Variants in RIMS1 observed in about 807,000 individuals in gnomAD.
The protein encoded by RIMS1 is regulating synaptic membrane exocytosis protein 1.
Under a neutral mutation model 214.1 loss-of-function variants are expected in RIMS1, and 83 were observed. That is an observed-to-expected ratio of 0.39 (90% confidence interval 0.32 to 0.47). The LOEUF (loss-of-function observed/expected upper bound fraction) is 0.47, where lower values mean the gene tolerates loss of function less well. Ranked by LOEUF, RIMS1 falls within the 20% of genes least tolerant of loss-of-function variation. The pLI, the probability that RIMS1 is intolerant of heterozygous loss-of-function variation, is 0.99. For synonymous variants in RIMS1, 793 were observed against 786.8 expected, an observed-to-expected ratio of 1.01 and a Z score of -0.13; for missense variants, 2,050 against 2,161.8, an observed-to-expected ratio of 0.95 and a Z score of 1.03.
At chr6:72,339,538 GT>G (rs1266772275) in intron 29 of RIMS1, among the ~76,000 whole-genome samples, 4 of 151,818 alleles carry the variant, frequency 2.6e-5, no homozygotes, top group South Asian at 2.1e-4. Flanking sequence ...GCAGTGTTTG[GT>G]TTTTTTGTCC....
intron 3 of RIMS1, among the ~76,000 whole-genome samples, chr6:72,098,251 T>C (rs527752951): frequency 2.0e-4 from 31 of 152,268 alleles, no homozygotes; most frequent in Admixed American, 1.2e-3. Flanking sequence ...CTAAACTTTA[T>C]TCCAGTGGAC....
At chr6:72,095,137 G>GT (rs2031033227) in intron 2 of RIMS1, among the ~76,000 whole-genome samples, 1 of 44,226 alleles carries the variant, frequency 2.3e-5, no homozygotes, top group African/African-American at 8.1e-5. Flanking sequence ...TTTTTTTTTT[G>GT]TATTTTTAGT....
chr6:72,275,933 A>C (rs1416538505), intron 23 of RIMS1, among the ~76,000 whole-genome samples: 1 of 152,216 alleles, frequency 6.6e-6, no homozygotes, highest in African/African-American at 2.4e-5. Flanking sequence ...TGTGCCAGGC[A>C]TGGTAGCTCA....
rs1009833671 is a variant in RIMS1, at chr6:72,057,207, C to T, written c.246-39742C>T. On this transcript the variant is annotated intron_variant, in intron 2 of 33. Transcript: ENST00000521978. Reference sequence around the variant, plus strand: ...CAAACTCACATATTCAGTTGTGGCTCTCCAAACTGGTGGATTTCGTTTGTT... The same window carrying T: ...CAAACTCACATATTCAGTTGTGGCTTTCCAAACTGGTGGATTTCGTTTGTT... Among the ~76,000 whole-genome samples, 6 of 152,316 alleles carry T rather than the reference C, an allele frequency of 3.9e-5. No individual in the cohort carries two copies. The South Asian group carries it at 6.2e-4, about 16-fold the overall frequency.
chr6:72,036,280 A>T (rs1193910852), intron 2 of RIMS1, among the ~76,000 whole-genome samples: 1 of 152,226 alleles, frequency 6.6e-6, no homozygotes, highest in Admixed American at 6.5e-5. Context: ...GTAGATAAGG[A>T]GAAGTGAAAT....
Position 71,981,579 on chromosome 6 carries a change from T to C in RIMS1, c.245+12516T>C, listed in dbSNP as rs1384510636. ...CATTAGAAAAAATTCATAGAAAAGA[T>C]GAAAGTTGACAGAGAATGTACAAAA... On this transcript the variant is annotated intron_variant, in intron 2 of 33. Transcript: ENST00000521978. Among the ~76,000 whole-genome samples the C allele has an allele frequency of 2.0e-5, 3 of 152,138 alleles. No homozygotes were observed. In the East Asian group the frequency reaches 5.8e-4, roughly 29 times the overall value.
chr6:72,309,023 T>C (rs2095380948), intron 27 of RIMS1, among the ~76,000 whole-genome samples: 1 of 152,170 alleles, frequency 6.6e-6, no homozygotes, highest in African/African-American at 2.4e-5. Flanking sequence ...AATGCTCCTT[T>C]TAAGCTGGAA....
chr6:72,124,466 C>T (rs899706562), intron 4 of RIMS1, among the ~76,000 whole-genome samples: 3 of 151,770 alleles, frequency 2.0e-5, no homozygotes, highest in African/African-American at 7.2e-5. Context: ...TGGGGTTGCT[C>T]TTCTCAAAGA....
intron 1 of RIMS1, among the ~76,000 whole-genome samples, chr6:71,959,784 C>T (rs548865814): frequency 6.6e-6 from 1 of 151,984 alleles, no homozygotes; most frequent in African/African-American, 2.4e-5. Flanking sequence ...TTTATTTGCT[C>T]AACACAAAAT....
At chr6:72,367,521 A>G (rs1225616897) in intron 29 of RIMS1, among the ~76,000 whole-genome samples, 1 of 152,198 alleles carries the variant, frequency 6.6e-6, no homozygotes, top group African/African-American at 2.4e-5. Flanking sequence ...AAATTTCAAA[A>G]ATAGATTTAT....
intron 19 of RIMS1, chr6:72,263,108 T>A: frequency 1.0e-6 from 1 of 983,512 alleles, no homozygotes; most frequent in Non-Finnish European, 1.2e-6. Context: ...TCCTATGAGA[T>A]GTTTCACCAA....
chr6:72,087,305 T>A (rs1834916251), intron 2 of RIMS1, among the ~76,000 whole-genome samples: 1 of 152,242 alleles, frequency 6.6e-6, no homozygotes. Flanking sequence ...CAGTATTTTT[T>A]ATAACTTTAA....
intron 4 of RIMS1, among the ~76,000 whole-genome samples, chr6:72,165,376 G>T (rs1172449589): frequency 1.3e-5 from 2 of 152,020 alleles, no homozygotes; most frequent in Non-Finnish European, 2.9e-5. Flanking sequence ...GTAACTTACT[G>T]AACTTGTCAA....
intron 1 of RIMS1, among the ~76,000 whole-genome samples, chr6:71,910,938 G>A (rs1776697990): frequency 6.6e-6 from 1 of 152,176 alleles, no homozygotes. Context: ...AGGAAGATTA[G>A]ATTGAAGGAA....
intron 6 of RIMS1, among the ~76,000 whole-genome samples, chr6:72,230,412 G>C (rs993097508): frequency 2.0e-5 from 3 of 151,524 alleles, no homozygotes; most frequent in African/African-American, 7.3e-5. Context: ...CATTCCACTT[G>C]GTCAAGTAGA....
At chr6:71,992,406 CTTTCTTTCTTTCTTTCTTTCTT>C (rs778939022) in intron 2 of RIMS1, among the ~76,000 whole-genome samples, 35 of 51,868 alleles carry the variant, frequency 6.7e-4, no homozygotes, top group East Asian at 3.5e-3. Flanking sequence ...CTCTCTCTCT[CTTTCTTTCTTTCTTTCTTTCTT>C]TCTTTCTTTC....
At chr6:72,161,779 A>C (rs1407620256) in intron 4 of RIMS1, among the ~76,000 whole-genome samples, 2 of 140,542 alleles carry the variant, frequency 1.4e-5, no homozygotes, top group Non-Finnish European at 3.2e-5. Flanking sequence ...CTGTCCTTTC[A>C]CATTTGCTGA....
intron 2 of RIMS1, among the ~76,000 whole-genome samples, chr6:72,024,948 G>T (rs899094250): frequency 2.4e-5 from 3 of 123,214 alleles, no homozygotes; most frequent in African/African-American, 9.0e-5. Context: ...CTGTTGCCCA[G>T]CCTGGAGTGC....
Position 72,235,695 on chromosome 6 carries a change from G to A in RIMS1, c.1824G>A (p.Met608Ile), listed in dbSNP as rs1269891300. ...GRVILNKRTT[M>I]PKDSGALLGL... is the part of the protein sequence containing the mutation. ...TTATTCTTAACAAGAGAACAACCATGCCCAAAGACTCAGGTGCATTGCTGG... is the reference window on the plus strand; with the variant it reads ...TTATTCTTAACAAGAGAACAACCATACCCAAAGACTCAGGTGCATTGCTGG... The change falls in exon 8 of 34, where the codon ATG becomes ATA. Residue 608 changes from methionine (M) to isoleucine (I), a missense_variant. Physicochemically the swap from Met to Ile is conservative, Grantham distance 10. Coordinates refer to ENST00000521978, the MANE Select transcript of RIMS1 (RefSeq NM_014989.7). 3.1e-6 allele frequency: 5 copies of A among 1,608,452 alleles called. No individual in the cohort carries two copies. The South Asian group carries it at 5.6e-5, about 18-fold the overall frequency.
Sources: gnomAD v4.1 joint callset for allele counts (sites outside exome capture counted in the v4.1 genomes callset) on GRCh38, gnomAD v4.1.1 for gene constraint, MANE v1.5 for transcripts, NCBI Gene and HGNC (gene_info 2026-07-23, HGNC 2026-07-21) for gene names.